The following MINDY4B variants were observed in gnomAD, a reference collection of about 807,000 sequenced individuals.
MINDY4B encodes the protein inactive ubiquitin carboxyl-terminal hydrolase MINDY-4B.
A neutral mutation model predicts 16.7 loss-of-function variants in MINDY4B; 25 were observed. That is an observed-to-expected ratio of 1.49 (90% CI 1.09 to 2.09). The LOEUF (loss-of-function observed/expected upper bound fraction) is 2.09, where lower values mean the gene tolerates loss of function less well. Among genes scored for constraint, MINDY4B ranks in the 30% most tolerant of loss-of-function variants. MINDY4B has a pLI of 0.00. For missense variants in MINDY4B, 327 were observed against 168.4 expected, an observed-to-expected ratio of 1.94 and a Z score of -5.21; for synonymous variants, 132 against 61.9, an observed-to-expected ratio of 2.13 and a Z score of -5.32.
chr3:150,883,878 A>G, intron 8 of MINDY4B, 106 bp from the exon 9 acceptor site: 1 of 653,392 alleles, frequency 1.5e-6, no homozygotes, highest in East Asian at 2.7e-5. Context: ...GGGCTCTCCT[A>G]GTCACTGTTT....
At chr3:150,895,708 G>C (rs778174281) in intron 3 of MINDY4B, among the ~76,000 whole-genome samples, 32 of 152,130 alleles carry the variant, frequency 2.1e-4, no homozygotes, top group Non-Finnish European at 3.7e-4. Context: ...CAGGTGATCT[G>C]CCGGTCTTGG....
rs1441742571 is a variant in MINDY4B at position 150,870,737 on chromosome 3, C to T, written c.*308G>A. ...GGAGAGTTATACCAAGAAAAGACAA[C>T]TTTGGAAAAACATGCAAGAGAGAGG... On this transcript the variant is annotated 3_prime_UTR_variant, in exon 12 of 12. Transcript: ENST00000465419. Among the ~76,000 whole-genome samples, 1 of 152,174 alleles carries T rather than the reference C, an allele frequency of 6.6e-6. No homozygotes were observed. Among genetic ancestry groups the T allele is most frequent in the Admixed American group, 6.5e-5 (1 of 15,274 alleles).
At chr3:150,876,524 G>T (rs140212262) in intron 10 of MINDY4B, among the ~76,000 whole-genome samples, 17 of 152,152 alleles carry the variant, frequency 1.1e-4, no homozygotes, top group African/African-American at 3.9e-4. Context: ...CATACTTGAT[G>T]TAACTTTTCT....
chr3:150,897,515 C>T (rs1298267688), intron 3 of MINDY4B, among the ~76,000 whole-genome samples: 1 of 152,140 alleles, frequency 6.6e-6, no homozygotes, highest in Non-Finnish European at 1.5e-5. Context: ...GGGCCCAGAG[C>T]TGAGGTGCCT....
chr3:150,871,172 T>C lies in MINDY4B; in HGVS notation c.1256A>G (p.His419Arg). The C allele has an allele frequency of 1.4e-6, 1 of 702,616 alleles. No individual in the cohort carries two copies. Among genetic ancestry groups the C allele is most frequent in the African/African-American group, 1.7e-5 (1 of 57,276 alleles). 43.5% of individuals were successfully genotyped at this position (702,616 alleles called of 1,614,324 possible). A position where few individuals can be genotyped will look rare whatever the true frequency, so the allele number is the denominator to read the frequency against. The change falls in exon 12 of 12, where the codon CAC (histidine) becomes CGC (arginine). Residue 419 changes from histidine to arginine, a missense_variant. Coordinates refer to ENST00000465419, the MANE Select transcript of MINDY4B (RefSeq NM_001351281.2). Reference sequence around the variant, plus strand: ...CTCTTCCTGTTGGTCTCTTTCCCAGTGATGGGAGTGAGTATCTGAAGAAGG... The same window carrying C: ...CTCTTCCTGTTGGTCTCTTTCCCAGCGATGGGAGTGAGTATCTGAAGAAGG... Reference protein sequence around the residue: ...VRLTIDTHSHHWERDQQEEKH... With the variant: ...VRLTIDTHSHRWERDQQEEKH...
In MINDY4B at chr3:150,871,404, C is replaced by T. The variant is rs536421502; in HGVS notation, c.1241-217G>A. Among the ~76,000 whole-genome samples the T allele has an allele frequency of 5.3e-5, 8 of 151,702 alleles. No homozygotes were observed. The South Asian group carries it at 1.0e-3, about 20-fold the overall frequency. On this transcript the variant is annotated intron_variant, in intron 11 of 11. Transcript: ENST00000465419. ...GCCTGGGTTGTTGTGCATATTAGGA[C>T]GTAGTATGTGTGTTGAAACGCCCCA...
At chr3:150,890,670 G>C in intron 6 of MINDY4B, 1 of 495,548 alleles carries the variant, frequency 2.0e-6, no homozygotes, top group Non-Finnish European at 3.6e-6. Context: ...GCTGTCTTTC[G>C]GACAGTGGAT....
chr3:150,889,261 G>T (rs1032595651), intron 7 of MINDY4B, among the ~76,000 whole-genome samples: 2 of 152,232 alleles, frequency 1.3e-5, no homozygotes, highest in South Asian at 4.1e-4. Context: ...CGCGAGAGAA[G>T]AATCTGTTTC....
intron 3 of MINDY4B, among the ~76,000 whole-genome samples, chr3:150,899,599 G>A (rs73005208): frequency 0.015 from 2,253 of 152,222 alleles, 69 homozygotes; most frequent in African/African-American, 0.052. Context: ...TCCTTTCAGG[G>A]CTCCCCATTG....
chr3:150,905,026 A>G (rs1712206403), intron 2 of MINDY4B, 36 bp downstream of exon 2: 1 of 398,380 alleles, frequency 2.5e-6, no homozygotes, highest in Non-Finnish European at 4.4e-6. Flanking sequence ...AGAAGCAACT[A>G]AAGGAGAACA....
At chr3:150,899,381 G>A (rs576741921) in intron 3 of MINDY4B, among the ~76,000 whole-genome samples, 2 of 152,274 alleles carry the variant, frequency 1.3e-5, no homozygotes, top group South Asian at 2.1e-4. Context: ...ATAAAGATGT[G>A]GGCTCGGTGT....
chr3:150,878,115 A>T (rs926947933), intron 10 of MINDY4B, among the ~76,000 whole-genome samples: 13 of 152,044 alleles, frequency 8.6e-5, no homozygotes, highest in African/African-American at 3.1e-4. Context: ...CTTGGAGTGG[A>T]CGTGGGGATT....
chr3:150,898,538 GAT>G (rs1712034198), intron 3 of MINDY4B, among the ~76,000 whole-genome samples: 1 of 152,164 alleles, frequency 6.6e-6, no homozygotes, highest in Non-Finnish European at 1.5e-5. Context: ...TCCAATATCA[GAT>G]ATTATTTATA....
rs1340686086 is a variant in MINDY4B, at chr3:150,891,031, T to G, written c.594A>C (p.Ala198=). The change falls in exon 6 of 12, where the codon GCA becomes GCC. Residue 198 remains alanine, a synonymous_variant. Coordinates refer to ENST00000465419, the MANE Select transcript of MINDY4B (RefSeq NM_001351281.2). ...AGATGGTGGCCTTCTGAGCTGCTCCTGCAGCCCACAGGATGCCAGCAAGCG... is the reference window on the plus strand; with the variant it reads ...AGATGGTGGCCTTCTGAGCTGCTCCGGCAGCCCACAGGATGCCAGCAAGCG... The part of the protein sequence containing the change: ...AAALAGILWA[A]GAAQKATICL... 1.3e-5 allele frequency: 9 copies of G among 702,888 alleles called. No homozygotes were observed. The highest frequency in any genetic ancestry group is 1.2e-4 in the South Asian group (8 of 67,602). 43.5% of individuals were successfully genotyped at this position (702,888 alleles called of 1,614,324 possible). A position where few individuals can be genotyped will look rare whatever the true frequency, so the allele number is the denominator to read the frequency against.
intron 3 of MINDY4B, among the ~76,000 whole-genome samples, chr3:150,902,323 G>A (rs1434260380): frequency 6.6e-6 from 1 of 152,200 alleles, no homozygotes; most frequent in Non-Finnish European, 1.5e-5. Flanking sequence ...TTAAGGCCCT[G>A]AGTAGAGGTC....
Position 150,880,756 on chromosome 3 carries a change from G to T in MINDY4B, c.1059+2141C>A, listed in dbSNP as rs547143730. Reference sequence around the variant, plus strand: ...ACTAAAATCATTATTGCATTTTTGTGTCGTCACCACTAGAACTTGTTTCCA... The same window carrying T: ...ACTAAAATCATTATTGCATTTTTGTTTCGTCACCACTAGAACTTGTTTCCA... On this transcript the variant is annotated intron_variant, in intron 10 of 11. Transcript: ENST00000465419. 3.3e-5 allele frequency among the ~76,000 whole-genome samples: 5 copies of T among 152,262 alleles called. No homozygotes were observed. The South Asian group carries it at 1.0e-3, about 32-fold the overall frequency.
At chr3:150,881,218 T>C (rs1711518889) in intron 10 of MINDY4B, among the ~76,000 whole-genome samples, 1 of 152,046 alleles carries the variant, frequency 6.6e-6, no homozygotes, top group Non-Finnish European at 1.5e-5. Context: ...ATCCTATCTC[T>C]ACTAAAAATA....
At chr3:150,881,946 C>A (rs1711527620) in intron 10 of MINDY4B, among the ~76,000 whole-genome samples, 1 of 152,062 alleles carries the variant, frequency 6.6e-6, no homozygotes, top group African/African-American at 2.4e-5. Flanking sequence ...ACAGATGAAG[C>A]CCTATATACA....
chr3:150,896,647 C>T (rs1711977248), intron 3 of MINDY4B, among the ~76,000 whole-genome samples: 1 of 152,260 alleles, frequency 6.6e-6, no homozygotes, highest in East Asian at 1.9e-4. Flanking sequence ...TGTTATCTCT[C>T]TTCTGGATCT....
Sources: gnomAD v4.1 joint callset for allele counts (sites outside exome capture counted in the v4.1 genomes callset) on GRCh38, gnomAD v4.1.1 for gene constraint, MANE v1.5 for transcripts, NCBI Gene and HGNC (gene_info 2026-07-23, HGNC 2026-07-21) for gene names.